Variants in SPOCK1 observed in about 807,000 individuals in gnomAD.
SPOCK1 encodes testican-1.
In SPOCK1, 23 loss-of-function variants were observed where a neutral mutation model predicts 55.3. The observed-to-expected ratio is 0.42, with a 90% CI of 0.30 to 0.59. The LOEUF (loss-of-function observed/expected upper bound fraction) is 0.59. Among genes scored for constraint, SPOCK1 ranks in the 20% least tolerant of loss-of-function variants. The pLI, the probability that SPOCK1 is intolerant of heterozygous loss-of-function variation, is 0.22. For missense variants in SPOCK1, 499 were observed against 552.5 expected, an observed-to-expected ratio of 0.90 and a Z score of 0.97; for synonymous variants, 226 against 221.0, an observed-to-expected ratio of 1.02 and a Z score of -0.20.
In SPOCK1 at chr5:136,978,712, G is replaced by C. The variant is rs1750666798; in HGVS notation, c.1262C>G (p.Thr421Arg). The change falls in exon 11 of 11, where the codon ACA (threonine) becomes AGA (arginine). Residue 421 changes from threonine (T) to arginine (R), a missense_variant. By Grantham distance (71) the Thr-to-Arg change is moderately conservative (BLOSUM62 -1). Transcript: ENST00000394945. ...ATCATCCTCATCCTCATCATCCTCT[G>C]TCACGGCTCGGGTGTGCACCCTCAG... ...GKLRVHTRAV[T>R]EDDEDEDDDK... 1 of 1,613,920 alleles carries C rather than the reference G, an allele frequency of 6.2e-7. No homozygotes were observed. Among genetic ancestry groups the C allele is most frequent in the African/African-American group, 1.3e-5 (1 of 75,002 alleles).
At chr5:137,474,935 A>G (rs1753807295) in intron 2 of SPOCK1, among the ~76,000 whole-genome samples, 1 of 152,208 alleles carries the variant, frequency 6.6e-6, no homozygotes, top group Admixed American at 6.5e-5. Context: ...TGCATGCTAA[A>G]GTATTTGGGT....
intron 2 of SPOCK1, among the ~76,000 whole-genome samples, chr5:137,458,373 T>G (rs2149836678): frequency 6.6e-6 from 1 of 152,340 alleles, no homozygotes; most frequent in South Asian, 2.1e-4. Context: ...TTCTAAATTT[T>G]CTACAATAAA....
Position 136,991,378 on chromosome 5 carries a change from C to A in SPOCK1, c.706+1106G>T, listed in dbSNP as rs556077401. On this transcript the variant is annotated intron_variant, in intron 7 of 10. Coordinates refer to ENST00000394945, the MANE Select transcript of SPOCK1 (RefSeq NM_004598.4). ...AGATCCCAACTACTAAAATAATTGT[C>A]CCCTGGATTGATGTTCTCCACTGAT... Among the ~76,000 whole-genome samples, 14 of 151,970 alleles carry A rather than the reference C, an allele frequency of 9.2e-5. No homozygotes were observed. The South Asian group carries it at 2.9e-3, about 32-fold the overall frequency.
At chr5:137,238,640 TA>T (rs1268814640) in intron 3 of SPOCK1, among the ~76,000 whole-genome samples, 2 of 152,212 alleles carry the variant, frequency 1.3e-5, no homozygotes, top group Non-Finnish European at 2.9e-5. Context: ...AGAGCTCACG[TA>T]AAATCATGTA....
chr5:137,046,307 C>T (rs1219881535), intron 6 of SPOCK1, among the ~76,000 whole-genome samples: 1 of 127,062 alleles, frequency 7.9e-6, no homozygotes, highest in Non-Finnish European at 1.7e-5. Flanking sequence ...TGTTTGTGTC[C>T]TCTTTTATTT....
At chr5:136,983,225 T>A (rs1243339330) in intron 9 of SPOCK1, among the ~76,000 whole-genome samples, 1 of 152,138 alleles carries the variant, frequency 6.6e-6, no homozygotes, top group Admixed American at 6.6e-5. Flanking sequence ...AGTGGAACAA[T>A]CCCAGAATAA....
intron 2 of SPOCK1, among the ~76,000 whole-genome samples, chr5:137,411,977 G>A (rs917040249): frequency 2.0e-5 from 3 of 152,178 alleles, no homozygotes; most frequent in African/African-American, 7.2e-5. Flanking sequence ...CAGCAGCCAA[G>A]GCGAAAGAAG....
intron 6 of SPOCK1, among the ~76,000 whole-genome samples, chr5:137,024,323 G>GGGGGC (rs386405064): frequency 7.0e-6 from 1 of 143,286 alleles, no homozygotes; most frequent in Non-Finnish European, 1.5e-5. Context: ...AAGGGGGGGG[G>GGGGGC]GTAGTTACAA....
chr5:137,237,662 C>A (rs1166625882), intron 3 of SPOCK1, among the ~76,000 whole-genome samples: 1 of 152,216 alleles, frequency 6.6e-6, no homozygotes, highest in Non-Finnish European at 1.5e-5. Context: ...TTCAAAGAGT[C>A]AACGTGTTAA....
intron 10 of SPOCK1, 39 bp from the exon 11 acceptor site, chr5:136,978,883 T>C (rs1750670299): frequency 6.4e-7 from 1 of 1,569,508 alleles, no homozygotes; most frequent in Non-Finnish European, 8.6e-7. Context: ...AGTTTCCACT[T>C]ATACCTCATG....
At chr5:137,242,872 G>A (rs1378585844) in intron 3 of SPOCK1, among the ~76,000 whole-genome samples, 1 of 152,204 alleles carries the variant, frequency 6.6e-6, no homozygotes, top group Non-Finnish European at 1.5e-5. Flanking sequence ...ATGTTCATAT[G>A]TCTTGGAGAA....
intron 2 of SPOCK1, among the ~76,000 whole-genome samples, chr5:137,432,185 A>G (rs1752761888): frequency 6.6e-6 from 1 of 152,200 alleles, no homozygotes. Flanking sequence ...TGCTATGGAA[A>G]AACAGCACTG....
chr5:137,120,054 A>G (rs764154387), intron 4 of SPOCK1, among the ~76,000 whole-genome samples: 14 of 152,148 alleles, frequency 9.2e-5, no homozygotes, highest in Non-Finnish European at 1.9e-4. Context: ...CCCACAAGAT[A>G]AGCCCTCAGC....
At chr5:137,485,516 A>G (rs959182083) in intron 2 of SPOCK1, among the ~76,000 whole-genome samples, 2 of 152,236 alleles carry the variant, frequency 1.3e-5, no homozygotes, top group Non-Finnish European at 2.9e-5. Context: ...CATCTCTTTA[A>G]GTTAAACACT....
rs576721188 is a variant in SPOCK1, at chr5:137,198,433, C to T, written c.233-57739G>A. Among the ~76,000 whole-genome samples, 5 of 152,326 alleles carry T rather than the reference C, an allele frequency of 3.3e-5. No homozygotes were observed. In the East Asian group the frequency reaches 5.8e-4, roughly 18 times the overall value. On this transcript the variant is annotated intron_variant, in intron 3 of 10. Coordinates refer to ENST00000394945, the MANE Select transcript of SPOCK1 (RefSeq NM_004598.4). ...TCTAGCATAGTGCTTGCCATATTGA[C>T]GGGCTGGATAAACAGCTATCAAAGG...
chr5:137,116,345 T>A (rs549900252), intron 4 of SPOCK1, among the ~76,000 whole-genome samples: 50 of 152,182 alleles, frequency 3.3e-4, no homozygotes, highest in Non-Finnish European at 2.9e-5. Context: ...ATTCTCCTGC[T>A]TAAAACCTCT....
chr5:137,336,409 C>T lies in SPOCK1; in HGVS notation c.187-69354G>A, dbSNP rs1257192890. Among the ~76,000 whole-genome samples the T allele has an allele frequency of 2.6e-5, 4 of 152,182 alleles. No homozygotes were observed. In the East Asian group the frequency reaches 7.7e-4, roughly 29 times the overall value. On this transcript the variant is annotated intron_variant, in intron 2 of 10. Transcript: ENST00000394945. ...CTGACCCAATTATTCTCTCCTCTGA[C>T]CTCAGGAATGGGAATTTACAGTACT...
chr5:137,145,523 A>G (rs925517885), intron 3 of SPOCK1, among the ~76,000 whole-genome samples: 4 of 152,196 alleles, frequency 2.6e-5, no homozygotes, highest in African/African-American at 7.2e-5. Context: ...AGAAGGTTCC[A>G]TTTTGTGGGG....
At chr5:136,995,101 C>T (rs1280358429) in intron 6 of SPOCK1, among the ~76,000 whole-genome samples, 1 of 152,204 alleles carries the variant, frequency 6.6e-6, no homozygotes, top group Non-Finnish European at 1.5e-5. Context: ...CACTGGACAG[C>T]ACAGACGCAG....
Sources: allele counts gnomAD v4.1 joint callset (sites outside exome capture counted in the v4.1 genomes callset), GRCh38; gene constraint gnomAD v4.1.1; transcripts MANE v1.5; gene names NCBI Gene and HGNC (gene_info 2026-07-23, HGNC 2026-07-21).